Variants in PARD3B observed in about 807,000 individuals in gnomAD.
PARD3B encodes partitioning defective 3 homolog B.
A neutral mutation model predicts 130.2 loss-of-function variants in PARD3B; 103 were observed. That is an observed-to-expected ratio of 0.79 (90% CI 0.67 to 0.93). PARD3B has a LOEUF of 0.93. PARD3B is among the 40% of genes least tolerant of loss of function. The pLI, the probability that PARD3B is intolerant of heterozygous loss-of-function variation, is 0.00. For missense variants in PARD3B, 1,609 were observed against 1,499.2 expected (o/e 1.07, Z -1.21); for synonymous variants, 583 against 553.2 (o/e 1.05, Z -0.76).
intron 21 of PARD3B, among the ~76,000 whole-genome samples, chr2:205,535,049 C>CT (rs2051783130): frequency 6.6e-6 from 1 of 152,080 alleles, no homozygotes; most frequent in South Asian, 2.1e-4. Flanking sequence ...AAATGGAGTT[C>CT]TTTTTTGCAT....
At chr2:205,533,406 A>G (rs1187468890) in intron 21 of PARD3B, among the ~76,000 whole-genome samples, 1 of 152,324 alleles carries the variant, frequency 6.6e-6, no homozygotes, top group East Asian at 1.9e-4. Flanking sequence ...CCTATCCACC[A>G]GATTTTCTTG....
chr2:205,118,675 G>A (rs2030226811), intron 6 of PARD3B, among the ~76,000 whole-genome samples: 1 of 152,136 alleles, frequency 6.6e-6, no homozygotes, highest in Non-Finnish European at 1.5e-5. Context: ...TTTACTGCAA[G>A]CATGAGAAAT....
chr2:204,814,071 G>T (rs888652326), intron 2 of PARD3B, among the ~76,000 whole-genome samples: 1 of 152,038 alleles, frequency 6.6e-6, no homozygotes, highest in Admixed American at 6.5e-5. Context: ...TCTTAATAAT[G>T]TTGAGTTTTC....
In PARD3B at chr2:205,142,451, A is replaced by G. The variant is rs933038668; in HGVS notation, c.1435-16271A>G. 6.6e-6 allele frequency among the ~76,000 whole-genome samples: 1 copy of G among 152,230 alleles called. No homozygotes were observed. Among genetic ancestry groups the G allele is most frequent in the Non-Finnish European group, 1.5e-5 (1 of 68,034 alleles). On this transcript the variant is annotated intron_variant, in intron 10 of 22. Transcript: ENST00000406610. This position sits in a 1 kb window ranked among gnomAD's most constrained non-coding sequence, Gnocchi z 4.3. ...GAGGTATTGTGGCAGAGAAGTGTCA[A>G]CAAAACATGTATGAAGTCATCGCAT...
intron 2 of PARD3B, among the ~76,000 whole-genome samples, chr2:204,762,761 C>CT (rs5837937): frequency 0.012 from 400 of 32,642 alleles, 4 homozygotes; most frequent in East Asian, 0.016. Context: ...TTTTCTTTTT[C>CT]TTTTTTTTTT....
At chr2:205,016,876 G>T (rs1696187819) in intron 3 of PARD3B, among the ~76,000 whole-genome samples, 1 of 152,080 alleles carries the variant, frequency 6.6e-6, no homozygotes, top group South Asian at 2.1e-4. Flanking sequence ...CAGTCTAGAT[G>T]GGAAGATGGA....
chr2:205,010,435 C>A (rs1695624444), intron 3 of PARD3B, among the ~76,000 whole-genome samples: 1 of 152,176 alleles, frequency 6.6e-6, no homozygotes. Flanking sequence ...GCTGCGTTCT[C>A]TTTATTGAGA....
intron 16 of PARD3B, among the ~76,000 whole-genome samples, chr2:205,296,876 T>TA (rs35938355): frequency 0.076 from 11,058 of 145,124 alleles, 782 homozygotes; most frequent in African/African-American, 0.2. Context: ...AACATCTTTT[T>TA]AAAAAAAAAA....
chr2:205,047,573 T>C lies in PARD3B; in HGVS notation c.395-8T>C, dbSNP rs1055164274. 6 of 1,542,204 alleles carry C rather than the reference T, an allele frequency of 3.9e-6. No individual in the cohort carries two copies. In the African/African-American group the frequency reaches 6.9e-5, roughly 18 times the overall value. On this transcript the variant is annotated splice_region_variant and splice_polypyrimidine_tract_variant and intron_variant, in intron 3 of 22. Coordinates refer to ENST00000406610, the MANE Select transcript of PARD3B (RefSeq NM_001302769.2). ...TTTTGACCTCTCACCTCTCACTTTG[T>C]CTTCCAGGCACTCCACTGCTGGTGA...
chr2:204,868,404 G>A (rs190768673), intron 2 of PARD3B, among the ~76,000 whole-genome samples: 7 of 152,166 alleles, frequency 4.6e-5, no homozygotes, highest in African/African-American at 1.4e-4. Context: ...TATGTTCCCA[G>A]TACCCATAAG....
At chr2:204,754,628 T>C (rs1256687217) in intron 2 of PARD3B, among the ~76,000 whole-genome samples, 1 of 152,186 alleles carries the variant, frequency 6.6e-6, no homozygotes, top group African/African-American at 2.4e-5. Context: ...ATATTTAATG[T>C]TTGCAATATC....
In PARD3B at chr2:205,148,840, A is replaced by G. The variant is rs536271756; in HGVS notation, c.1435-9882A>G. ...GCTGCTCACAACACAGACTAATTACACATTTGGGAGGCAAGGCAAAGACAT... is the reference window on the plus strand; with the variant it reads ...GCTGCTCACAACACAGACTAATTACGCATTTGGGAGGCAAGGCAAAGACAT... On this transcript the variant is annotated intron_variant, in intron 10 of 22. Coordinates refer to ENST00000406610, the MANE Select transcript of PARD3B (RefSeq NM_001302769.2). 4.5e-4 allele frequency among the ~76,000 whole-genome samples: 68 copies of G among 152,292 alleles called. 1 individual carries two copies. The highest frequency in any genetic ancestry group is 1.5e-3 in the African/African-American group (62 of 41,566).
intron 1 of PARD3B, among the ~76,000 whole-genome samples, chr2:204,547,069 A>G (rs2030012824): frequency 6.6e-6 from 1 of 152,220 alleles, no homozygotes; most frequent in African/African-American, 2.4e-5. Flanking sequence ...TTAGCGGCCA[A>G]TGGTTCTCTT....
chr2:204,799,859 A>G lies in PARD3B; in HGVS notation c.222+113577A>G, dbSNP rs1402157394. 2.6e-5 allele frequency among the ~76,000 whole-genome samples: 4 copies of G among 152,202 alleles called. No individual in the cohort carries two copies. Among genetic ancestry groups the G allele is most frequent in the Admixed American group, 6.5e-5 (1 of 15,288 alleles). On this transcript the variant is annotated intron_variant, in intron 2 of 22. Coordinates refer to ENST00000406610, the MANE Select transcript of PARD3B (RefSeq NM_001302769.2). The surrounding 1 kb of genome is among the most constrained non-coding windows in gnomAD (Gnocchi z 4.1). ...ATGGCTGCAGTGACTAAAGATTTAT[A>G]TCACAGCATCAGTTCCCTTGGAATA...
chr2:204,724,784 T>G (rs1326424011), intron 2 of PARD3B, among the ~76,000 whole-genome samples: 1 of 149,470 alleles, frequency 6.7e-6, no homozygotes, highest in Non-Finnish European at 1.5e-5. Context: ...TACTTGAAAG[T>G]CTAATTATGT....
At chr2:205,428,663 A>G (rs1382086992) in intron 19 of PARD3B, among the ~76,000 whole-genome samples, 8 of 152,202 alleles carry the variant, frequency 5.3e-5, no homozygotes, top group Non-Finnish European at 1.2e-4. Context: ...AAAAATAATT[A>G]TATCAGTGTT....
chr2:205,283,862 G>A (rs2041284983), intron 16 of PARD3B, among the ~76,000 whole-genome samples: 1 of 152,088 alleles, frequency 6.6e-6, no homozygotes, highest in Non-Finnish European at 1.5e-5. Context: ...GTAAGCCAGC[G>A]GCCTTTCCAC....
intron 3 of PARD3B, among the ~76,000 whole-genome samples, chr2:205,036,486 A>C (rs1473258727): frequency 6.7e-6 from 1 of 148,532 alleles, no homozygotes; most frequent in African/African-American, 2.4e-5. Context: ...TATATATATA[A>C]AAACATATAG....
At chr2:204,551,827 A>C (rs1029084697) in intron 1 of PARD3B, among the ~76,000 whole-genome samples, 1 of 152,162 alleles carries the variant, frequency 6.6e-6, no homozygotes, top group African/African-American at 2.4e-5. Context: ...TTGTGAGACT[A>C]TTTTATGAGT....
Sources: gnomAD v4.1 joint callset for allele counts (sites outside exome capture counted in the v4.1 genomes callset) on GRCh38, gnomAD v4.1.1 for gene constraint, Gnocchi (gnomAD v3.1) non-coding constraint, MANE v1.5 for transcripts, NCBI Gene and HGNC (gene_info 2026-07-23, HGNC 2026-07-21) for gene names.